Variants in RNF212 observed in about 807,000 individuals in gnomAD.
RNF212 encodes probable E3 SUMO-protein ligase RNF212.
RNF212 carries 33 observed loss-of-function variants against 34.7 expected under a neutral mutation model. The observed-to-expected ratio is 0.95, with a 90% CI of 0.72 to 1.27. RNF212 has a LOEUF of 1.27. Ranked by LOEUF, RNF212 falls within the 50% of genes most tolerant of loss-of-function variation. The pLI is 0.00. For synonymous variants in RNF212, 140 were observed against 136.1 expected, an observed-to-expected ratio of 1.03 and a Z score of -0.20; for missense variants, 377 against 362.2, an observed-to-expected ratio of 1.04 and a Z score of -0.33.
intron 3 of RNF212, among the ~76,000 whole-genome samples, chr4:1,061,119 G>A (rs1350954265): frequency 6.6e-6 from 1 of 152,194 alleles, no homozygotes; most frequent in Non-Finnish European, 1.5e-5. Flanking sequence ...TTTGGGAGGA[G>A]CGGGACTTGG....
At chr4:1,083,818 A>G (rs944222407) in intron 5 of RNF212, among the ~76,000 whole-genome samples, 1 of 152,202 alleles carries the variant, frequency 6.6e-6, no homozygotes, top group African/African-American at 2.4e-5. Flanking sequence ...CTGGGGATGC[A>G]GAGGGTACTA....
intron 3 of RNF212, chr4:1,094,049 A>C: frequency 6.7e-7 from 1 of 1,503,410 alleles, no homozygotes; most frequent in South Asian, 1.3e-5. Flanking sequence ...GAAGCAAGGA[A>C]GCTCCCAGAG....
chr4:1,088,644 T>G (rs558505058), intron 4 of RNF212, among the ~76,000 whole-genome samples: 1 of 152,196 alleles, frequency 6.6e-6, no homozygotes, highest in South Asian at 2.1e-4. Flanking sequence ...ATGTGAGAGA[T>G]CTTCACAGCA....
In RNF212 at chr4:1,088,273, C is replaced by T. The variant is rs79404168; in HGVS notation, c.304-2319G>A. On this transcript the variant is annotated intron_variant, in intron 4 of 9. Coordinates refer to ENST00000433731, the MANE Select transcript of RNF212 (RefSeq NM_001131034.4). ...TATTGGGACTGGAGCAAAGGTCACT[C>T]TTGCTGTGCTTTAGCAAAGAGACTG... 6.5e-3 allele frequency among the ~76,000 whole-genome samples: 988 copies of T among 152,300 alleles called. 13 individuals are homozygous for T. The highest frequency in any genetic ancestry group is 0.021 in the African/African-American group (877 of 41,556).
chr4:1,107,487 G>A (rs1029931698), intron 2 of RNF212: 6 of 148,518 alleles, frequency 4.0e-5, no homozygotes, highest in South Asian at 2.1e-4. Context: ...ACAGAGTCTC[G>A]CTCAGTCACC....
intron 5 of RNF212, among the ~76,000 whole-genome samples, chr4:1,083,639 A>AAAAC (rs76992730): frequency 0.014 from 2,110 of 149,288 alleles, 15 homozygotes; most frequent in South Asian, 0.018. Context: ...CTCTGTCTCA[A>AAAAC]AAACAAACAA....
At chr4:1,112,490 C>G (rs559723166) in intron 1 of RNF212, among the ~76,000 whole-genome samples, 1 of 152,122 alleles carries the variant, frequency 6.6e-6, no homozygotes, top group East Asian at 1.9e-4. Context: ...AAAATTTTCA[C>G]AGAAAGAAAA....
intron 4 of RNF212, among the ~76,000 whole-genome samples, chr4:1,089,395 C>T (rs541793572): frequency 6.6e-6 from 1 of 152,358 alleles, no homozygotes; most frequent in Non-Finnish European, 1.5e-5. Context: ...AACATTTACC[C>T]AATGCCTGTA....
chr4:1,062,822 C>T (rs966843948), intron 3 of RNF212, among the ~76,000 whole-genome samples: 2 of 151,894 alleles, frequency 1.3e-5, no homozygotes, highest in Non-Finnish European at 2.9e-5. Flanking sequence ...CTAGAGAATC[C>T]ACAAAAAAAA....
chr4:1,079,132 A>G (rs113125575), intron 8 of RNF212, among the ~76,000 whole-genome samples: 20 of 138,004 alleles, frequency 1.4e-4, no homozygotes, highest in African/African-American at 3.2e-4. Flanking sequence ...GGACCAACAT[A>G]GGACCAACAC....
chr4:1,077,704 G>A (rs558644713), intron 8 of RNF212, among the ~76,000 whole-genome samples: 2 of 152,376 alleles, frequency 1.3e-5, no homozygotes, highest in African/African-American at 4.8e-5. Context: ...CTGGAAGCAG[G>A]TGTCTGGCCT....
intron 2 of RNF212, among the ~76,000 whole-genome samples, chr4:1,107,595 G>A (rs1244154896): frequency 1.3e-5 from 2 of 151,754 alleles, no homozygotes; most frequent in African/African-American, 4.8e-5. Context: ...GACTACAGGC[G>A]CCCACCACCA....
Position 1,073,604 on chromosome 4 carries a change from C to T in RNF212, c.569G>A (p.Arg190Gln), listed in dbSNP as rs375321823. The change falls in exon 9 of 10, where the codon CGA becomes CAA. Residue 190 changes from arginine to glutamine, a missense_variant. Physicochemically the swap from Arg to Gln is conservative, Grantham distance 43. Transcript: ENST00000433731. The stretch of plus-strand genomic sequence containing the variant: ...TTACAGGACATTTTACTTACCCATT[C>T]GTCCATCTTGAGGTGGACTAATCAT... ...ISMISPPQDG[R>Q]MGPHLTASFC... is the part of the protein sequence containing the mutation. 1.2e-5 allele frequency: 19 copies of T among 1,599,092 alleles called. 1 individual carries two copies. The East Asian group carries it at 2.2e-4, about 19-fold the overall frequency.
intron 2 of RNF212, among the ~76,000 whole-genome samples, chr4:1,105,648 G>A (rs948930416): frequency 1.3e-5 from 2 of 152,252 alleles, no homozygotes; most frequent in Non-Finnish European, 2.9e-5. Context: ...TGCACTAAGC[G>A]AGGATAAGAA....
upstream of RNF212, chr4:1,113,616 C>T (rs946163131): frequency 1.9e-6 from 1 of 523,712 alleles, no homozygotes; most frequent in Non-Finnish European, 3.2e-6. Flanking sequence ...AGCTCGCGCC[C>T]TCCCGCCAAC....
chr4:1,102,730 C>T (rs1344176601), intron 2 of RNF212, among the ~76,000 whole-genome samples: 1 of 151,018 alleles, frequency 6.6e-6, no homozygotes, highest in Non-Finnish European at 1.5e-5. Flanking sequence ...TGGGCCCCTG[C>T]AGTCCCAGCT....
chr4:1,065,343 A>G (rs773071691), intron 3 of RNF212, among the ~76,000 whole-genome samples: 4 of 152,256 alleles, frequency 2.6e-5, no homozygotes, highest in Non-Finnish European at 5.9e-5. Flanking sequence ...ATTTAAAGGA[A>G]AACATCTGCA....
intron 2 of RNF212, among the ~76,000 whole-genome samples, chr4:1,103,237 A>G (rs1481298042): frequency 1.3e-5 from 2 of 152,238 alleles, no homozygotes; most frequent in African/African-American, 2.4e-5. Context: ...TCTAATAAAG[A>G]TATCAAATCC....
In RNF212 at chr4:1,065,405, C is replaced by T. The variant is rs1430056136; in HGVS notation, n.148-7012G>A. 3.3e-5 allele frequency among the ~76,000 whole-genome samples: 5 copies of T among 152,244 alleles called. No homozygotes were observed. The East Asian group carries it at 9.6e-4, about 29-fold the overall frequency. The stretch of plus-strand genomic sequence containing the variant: ...AGGTTTAACCATCTTCATAAAAATA[C>T]TTTGAGGAAAGCTGCATCCACAGAC... On this transcript the variant is annotated intron_variant and non_coding_transcript_variant, in intron 3 of 4. Coordinates refer to the RNF212 transcript ENST00000503206.
Sources: allele counts gnomAD v4.1 joint callset (sites outside exome capture counted in the v4.1 genomes callset), GRCh38; gene constraint gnomAD v4.1.1; transcripts MANE v1.5; gene names NCBI Gene and HGNC (gene_info 2026-07-23, HGNC 2026-07-21).